CAMSAP1: variants seen among roughly 807,000 people sequenced by gnomAD.
CAMSAP1 encodes calmodulin regulated spectrin associated protein 1, also known as calmodulin-regulated spectrin-associated protein 1.
Under a neutral mutation model 143.5 loss-of-function variants are expected in CAMSAP1, and 58 were observed. The ratio of observed to expected loss-of-function variants is 0.40; its 90% CI spans 0.33 to 0.50. The LOEUF is 0.50. CAMSAP1 is among the 20% of genes least tolerant of loss of function. The pLI is 0.45. For synonymous variants in CAMSAP1, 945 were observed against 859.3 expected (o/e 1.10, Z -1.74); for missense variants, 1,969 against 2,115.7 (o/e 0.93, Z 1.36).
chr9:135,831,548 C>T (rs1245937487), intron 7 of CAMSAP1, among the ~76,000 whole-genome samples: 1 of 149,374 alleles, frequency 6.7e-6, no homozygotes, highest in Non-Finnish European at 1.5e-5. Flanking sequence ...CTTTAAATAA[C>T]AACCTAACTT....
Position 135,821,589 on chromosome 9 carries a change from G to A in CAMSAP1, c.3072C>T (p.Ile1024=), listed in dbSNP as rs1369202495. The A allele has an allele frequency of 1.1e-5, 18 of 1,613,866 alleles. No individual in the cohort carries two copies. The highest frequency in any genetic ancestry group is 8.3e-5 in the Admixed American group (5 of 60,004). ...TACTGATGGTTTCGTTAAGCTTCTC[G>A]ATGGAAAGGTCACATTCATTCACGT... ...VVDVNECDLS[I]EKLNETISTL... Residue 1024 remains isoleucine, a synonymous_variant, in exon 11 of 17, where the codon ATC becomes ATT. Coordinates refer to ENST00000389532, the MANE Select transcript of CAMSAP1 (RefSeq NM_015447.4). This position sits in a 1 kb window ranked among gnomAD's most constrained non-coding sequence, Gnocchi z 4.6.
chr9:135,830,434 G>C (rs963093), intron 7 of CAMSAP1, among the ~76,000 whole-genome samples: 93,271 of 152,160 alleles, frequency 0.61, 29,741 homozygotes, highest in African/African-American at 0.81. Flanking sequence ...TCAGACAAAA[G>C]AGACTTTACA....
At chr9:135,840,426 G>A (rs181864030) in intron 7 of CAMSAP1, among the ~76,000 whole-genome samples, 2 of 152,102 alleles carry the variant, frequency 1.3e-5, no homozygotes, top group Admixed American at 1.3e-4. Context: ...GAAGAAGGGG[G>A]CTCCAGCCAT....
At chr9:135,835,449 T>C (rs932974199) in intron 7 of CAMSAP1, among the ~76,000 whole-genome samples, 1 of 152,196 alleles carries the variant, frequency 6.6e-6, no homozygotes, top group African/African-American at 2.4e-5. Flanking sequence ...CCTTAGTGAT[T>C]ATGGTGAATG....
chr9:135,881,376 TA>T (rs984065049), intron 3 of CAMSAP1, among the ~76,000 whole-genome samples: 1 of 151,642 alleles, frequency 6.6e-6, no homozygotes, highest in Non-Finnish European at 1.5e-5. Flanking sequence ...AAAAAAAATT[TA>T]AAGGCACTCA....
chr9:135,867,677 A>G (rs1837427936), intron 3 of CAMSAP1, among the ~76,000 whole-genome samples: 2 of 152,248 alleles, frequency 1.3e-5, no homozygotes, highest in Non-Finnish European at 1.5e-5. Flanking sequence ...AATATAAATT[A>G]CCAAAAAATC....
intron 5 of CAMSAP1, among the ~76,000 whole-genome samples, chr9:135,850,849 T>G (rs1006792370): frequency 1.3e-5 from 2 of 152,148 alleles, no homozygotes; most frequent in African/African-American, 4.8e-5. Flanking sequence ...GGTTTCCGTG[T>G]TTGTAAAGGG....
intron 5 of CAMSAP1, among the ~76,000 whole-genome samples, chr9:135,853,711 G>A (rs1836856681): frequency 6.6e-6 from 1 of 152,178 alleles, no homozygotes. Flanking sequence ...TGCAGGGCAG[G>A]GGCACAGGGC....
chr9:135,834,800 G>A (rs548096450), intron 7 of CAMSAP1, among the ~76,000 whole-genome samples: 1 of 152,174 alleles, frequency 6.6e-6, no homozygotes, highest in African/African-American at 2.4e-5. Flanking sequence ...GTGAAGAGAT[G>A]GATGTTAACT....
chr9:135,814,175 G>GAC (rs1223784396), intron 16 of CAMSAP1, among the ~76,000 whole-genome samples: 5 of 152,224 alleles, frequency 3.3e-5, no homozygotes, highest in Admixed American at 6.5e-5. Context: ...AGTGCCACGA[G>GAC]ACCTGCCTAG....
intron 5 of CAMSAP1, among the ~76,000 whole-genome samples, chr9:135,850,671 T>C (rs1187348084): frequency 1.3e-5 from 2 of 152,236 alleles, no homozygotes; most frequent in African/African-American, 4.8e-5. Flanking sequence ...CAAGTCTGAA[T>C]TTGATGGTGA....
In CAMSAP1 at chr9:135,817,969, C is replaced by T; in HGVS notation, c.4271+8G>A. 1 of 1,613,412 alleles carries T rather than the reference C, an allele frequency of 6.2e-7. No homozygotes were observed. The highest frequency in any genetic ancestry group is 8.5e-7 in the Non-Finnish European group (1 of 1,179,550). ...GCCCCGTGCCGGCGGCCGTCTCAGG[C>T]CCCTTACCGCTGAGAGGGTGTGCCC... is the stretch of plus-strand genomic sequence containing the variant. On this transcript the variant is annotated splice_region_variant and intron_variant, in intron 14 of 16. Transcript: ENST00000389532.
intron 5 of CAMSAP1, among the ~76,000 whole-genome samples, chr9:135,858,475 C>T (rs1837057194): frequency 6.6e-6 from 1 of 152,188 alleles, no homozygotes; most frequent in African/African-American, 2.4e-5. Flanking sequence ...ACTAGCAAGT[C>T]CCACTACTCT....
rs541712128 is a variant in CAMSAP1 at position 135,852,281 on chromosome 9, A to G, written c.809-1820T>C. ...GTCACGTGTGCTGCAAATATTTTCA[A>G]TGGGTACAGTTTATCATTTCATTTT... is the stretch of plus-strand genomic sequence containing the variant. On this transcript the variant is annotated intron_variant, in intron 5 of 16. Coordinates refer to ENST00000389532, the MANE Select transcript of CAMSAP1 (RefSeq NM_015447.4). Among the ~76,000 whole-genome samples, 3 of 152,244 alleles carry G rather than the reference A, an allele frequency of 2.0e-5. No homozygotes were observed. In the South Asian group the frequency reaches 6.2e-4, roughly 32 times the overall value.
At chr9:135,841,229 G>A (rs115003643) in intron 7 of CAMSAP1, among the ~76,000 whole-genome samples, 3,063 of 152,226 alleles carry the variant, frequency 0.02, 94 homozygotes, top group African/African-American at 0.07. Context: ...AAACAAAGCC[G>A]CCAGGAAGTT....
At chr9:135,833,567 T>A (rs1221696236) in intron 7 of CAMSAP1, among the ~76,000 whole-genome samples, 1 of 152,236 alleles carries the variant, frequency 6.6e-6, no homozygotes, top group Non-Finnish European at 1.5e-5. Flanking sequence ...GGGGAAAGGA[T>A]AGTACCTTCA....
In CAMSAP1 at chr9:135,821,827, T is replaced by C; in HGVS notation, c.2834A>G (p.Glu945Gly). 3.1e-6 allele frequency: 5 copies of C among 1,613,968 alleles called. No individual in the cohort carries two copies. The highest frequency in any genetic ancestry group is 4.2e-6 in the Non-Finnish European group (5 of 1,179,876). The change falls in exon 11 of 17, where the codon GAG becomes GGG. Residue 945 changes from glutamate to glycine, a missense_variant. Coordinates refer to ENST00000389532, the MANE Select transcript of CAMSAP1 (RefSeq NM_015447.4). This position sits in a 1 kb window ranked among gnomAD's most constrained non-coding sequence, Gnocchi z 4.6. Reference protein sequence around the residue: ...FAKEYSQHNGEDCGDAVSKTE... With the variant: ...FAKEYSQHNGGDCGDAVSKTE... ...TTTGGAAACAGCGTCCCCACAGTCC[T>C]CCCCGTTGTGCTGAGAGTACTCCTT...
rs529137144 is a variant in CAMSAP1, at chr9:135,819,146, C to T, written c.3823G>A (p.Asp1275Asn). The change falls in exon 12 of 17, where the codon GAT becomes AAT. Residue 1275 changes from aspartate to asparagine, a missense_variant and splice_region_variant. This residue lies in a region of CAMSAP1 where 1,390 missense variants were observed against 1,420.8 expected (regional missense o/e 0.98). Coordinates refer to ENST00000389532, the MANE Select transcript of CAMSAP1 (RefSeq NM_015447.4). ...QKPGVGFFFK[D>N]EQKAEDELAK... ...AGCTCATCTTCCGCTTTCTGTTCAT[C>T]CTGCAAGACAGAGGCCACACAGAGC... is the stretch of plus-strand genomic sequence containing the variant. 6 of 1,600,634 alleles carry T rather than the reference C, an allele frequency of 3.7e-6. No homozygotes were observed. The highest frequency in any genetic ancestry group is 1.7e-5 in the Admixed American group (1 of 58,728).
chr9:135,861,966 T>C lies in CAMSAP1; in HGVS notation c.808+501A>G, dbSNP rs545352157. Among the ~76,000 whole-genome samples the C allele has an allele frequency of 1.5e-4, 23 of 152,364 alleles. No individual in the cohort carries two copies. In the South Asian group the frequency reaches 1.7e-3, roughly 11 times the overall value. On this transcript the variant is annotated intron_variant, in intron 5 of 16. Transcript: ENST00000389532. ...GTCCCCAACACGAAGCGTGTGGCAG[T>C]TGTTCATAAATGGTTCATAAACAGA...
Sources: gnomAD v4.1 joint callset for allele counts (sites outside exome capture counted in the v4.1 genomes callset) on GRCh38, gnomAD v4.1.1 for gene constraint, gnomAD v4.1.1 regional missense constraint, Gnocchi (gnomAD v3.1) non-coding constraint, MANE v1.5 for transcripts, NCBI Gene and HGNC (gene_info 2026-07-23, HGNC 2026-07-21) for gene names.